PRKCB: variants seen among roughly 807,000 people sequenced by gnomAD.
PRKCB encodes the protein protein kinase C beta type.
PRKCB carries 13 observed loss-of-function variants against 81.5 expected under a neutral mutation model. The ratio of observed to expected loss-of-function variants is 0.16; its 90% CI spans 0.10 to 0.25. The LOEUF is 0.25. PRKCB is among the 10% of genes least tolerant of loss of function. The pLI, the probability that PRKCB is intolerant of heterozygous loss-of-function variation, is 1.00. For missense variants in PRKCB, 509 were observed against 875.7 expected, an observed-to-expected ratio of 0.58 and a Z score of 5.29; for synonymous variants, 335 against 321.4, an observed-to-expected ratio of 1.04 and a Z score of -0.45.
At chr16:24,157,169 G>T (rs928917391) in intron 10 of PRKCB, among the ~76,000 whole-genome samples, 2 of 152,144 alleles carry the variant, frequency 1.3e-5, no homozygotes. Flanking sequence ...AGAAGTCTGG[G>T]TCCCCTCCAG....
At chr16:24,173,362 G>T (rs1401987869) in intron 11 of PRKCB, among the ~76,000 whole-genome samples, 4 of 152,088 alleles carry the variant, frequency 2.6e-5, no homozygotes, top group Non-Finnish European at 1.5e-5. Flanking sequence ...AGTTTTCTAA[G>T]ATCTTATTGC....
At chr16:24,109,399 C>T (rs7202351) in intron 7 of PRKCB, among the ~76,000 whole-genome samples, 10,493 of 110,152 alleles carry the variant, frequency 0.095, 907 homozygotes, top group African/African-American at 0.29. Flanking sequence ...ACGGGGCGGC[C>T]GGGCAGAGAT....
At chr16:23,986,603 A>C (rs1359017488) in intron 2 of PRKCB, among the ~76,000 whole-genome samples, 1 of 152,140 alleles carries the variant, frequency 6.6e-6, no homozygotes, top group African/African-American at 2.4e-5. Context: ...TAAACTTATA[A>C]TGTCCTATAT....
intron 2 of PRKCB, among the ~76,000 whole-genome samples, chr16:23,846,201 CAGTT>C (rs1211281302): frequency 1.3e-5 from 2 of 152,180 alleles, no homozygotes; most frequent in Non-Finnish European, 2.9e-5. Context: ...GAGAAAGTCT[CAGTT>C]GGTGTTAATA....
At chr16:23,980,179 T>C (rs985458197) in intron 2 of PRKCB, among the ~76,000 whole-genome samples, 4 of 152,220 alleles carry the variant, frequency 2.6e-5, no homozygotes, top group African/African-American at 9.6e-5. Context: ...GCAAACTCAA[T>C]AGCATGACCC....
At position 24,072,730 on chromosome 16, in the gene PRKCB, T is replaced by C. The variant is rs185624566; in HGVS notation, c.530-20061T>C. Among the ~76,000 whole-genome samples the C allele has an allele frequency of 4.7e-3, 721 of 152,164 alleles. 4 individuals carry two copies. Among genetic ancestry groups the C allele is most frequent in the African/African-American group, 0.017 (701 of 41,516 alleles). ...CCAAGTAGCTGGGATTACAGGCCTGTGCCACCAGACCGAGCTAATTTTTGT... is the reference window on the plus strand; with the variant it reads ...CCAAGTAGCTGGGATTACAGGCCTGCGCCACCAGACCGAGCTAATTTTTGT... On this transcript the variant is annotated intron_variant, in intron 5 of 16. Coordinates refer to ENST00000643927, the MANE Select transcript of PRKCB (RefSeq NM_002738.7).
chr16:24,151,693 A>G (rs1021522967), intron 9 of PRKCB: 1 of 418,656 alleles, frequency 2.4e-6, no homozygotes, highest in Non-Finnish European at 4.8e-6. Context: ...TGTTCAAAGG[A>G]AAAGAAAGAA....
At chr16:24,064,606 T>G (rs1328259056) in intron 5 of PRKCB, among the ~76,000 whole-genome samples, 1 of 152,186 alleles carries the variant, frequency 6.6e-6, no homozygotes, top group Non-Finnish European at 1.5e-5. Flanking sequence ...AGTTGTGTTG[T>G]TCATATTTTC....
chr16:24,183,106 C>T (rs146261882), intron 13 of PRKCB, among the ~76,000 whole-genome samples: 29 of 152,016 alleles, frequency 1.9e-4, no homozygotes, highest in Admixed American at 3.9e-4. Context: ...GTGATCCGCC[C>T]GCCTCGGCCT....
chr16:24,017,290 T>C (rs969407096), intron 3 of PRKCB, among the ~76,000 whole-genome samples: 4 of 152,180 alleles, frequency 2.6e-5, no homozygotes, highest in African/African-American at 7.2e-5. Flanking sequence ...ATTTCATACA[T>C]TTGCTGTCTA....
At chr16:24,060,168 T>C (rs1257106666) in intron 5 of PRKCB, among the ~76,000 whole-genome samples, 1 of 152,088 alleles carries the variant, frequency 6.6e-6, no homozygotes, top group Non-Finnish European at 1.5e-5. Flanking sequence ...GGAAGATAGG[T>C]GTTCAAGTCC....
Position 24,148,255 on chromosome 16 carries a change from G to A in PRKCB, c.1066-6429G>A, listed in dbSNP as rs559193797. 8.5e-5 allele frequency among the ~76,000 whole-genome samples: 13 copies of A among 152,222 alleles called. No homozygotes were observed. The South Asian group carries it at 1.7e-3, about 19-fold the overall frequency. On this transcript the variant is annotated intron_variant, in intron 9 of 16. Transcript: ENST00000643927. ...GGTGTCAGCTTAACCATCACTTCCC[G>A]AAGAGCATCTTTTGCTGACCCACTC...
intron 2 of PRKCB, among the ~76,000 whole-genome samples, chr16:23,955,320 C>T (rs541659229): frequency 1.3e-5 from 2 of 152,190 alleles, no homozygotes; most frequent in East Asian, 1.9e-4. Flanking sequence ...ATGATTATCA[C>T]GTGATATCAG....
intron 5 of PRKCB, among the ~76,000 whole-genome samples, chr16:24,059,965 G>A (rs1321965965): frequency 6.6e-6 from 1 of 152,182 alleles, no homozygotes; most frequent in East Asian, 1.9e-4. Context: ...AATTGAAGGA[G>A]GGGATGTGGA....
At chr16:23,975,879 A>G (rs1567331597) in intron 2 of PRKCB, among the ~76,000 whole-genome samples, 1 of 152,230 alleles carries the variant, frequency 6.6e-6, no homozygotes, top group Admixed American at 6.5e-5. Context: ...AAACAATTCA[A>G]GTTGGTTTAG....
At chr16:24,075,995 G>T (rs541110931) in intron 5 of PRKCB, among the ~76,000 whole-genome samples, 49 of 152,304 alleles carry the variant, frequency 3.2e-4, no homozygotes, top group African/African-American at 1.2e-3. Flanking sequence ...ACAATGTGCA[G>T]GTTTGTTACC....
chr16:23,934,614 C>T (rs190410043), intron 2 of PRKCB, among the ~76,000 whole-genome samples: 3 of 152,190 alleles, frequency 2.0e-5, no homozygotes, highest in Admixed American at 6.5e-5. Flanking sequence ...ATATTTTCAG[C>T]GTATAGAATT....
At chr16:24,211,419 A>G (rs1968136134) in intron 16 of PRKCB, among the ~76,000 whole-genome samples, 1 of 152,184 alleles carries the variant, frequency 6.6e-6, no homozygotes, top group African/African-American at 2.4e-5. Flanking sequence ...TTATCCTCAT[A>G]TCACAACCCC....
intron 2 of PRKCB, among the ~76,000 whole-genome samples, chr16:23,878,474 C>T (rs928150395): frequency 6.6e-6 from 1 of 152,152 alleles, no homozygotes; most frequent in South Asian, 2.1e-4. Context: ...CCTATGGGAC[C>T]ATTTTACAGC....
Sources: gnomAD v4.1 joint callset for allele counts (sites outside exome capture counted in the v4.1 genomes callset) on GRCh38, gnomAD v4.1.1 for gene constraint, MANE v1.5 for transcripts, NCBI Gene and HGNC (gene_info 2026-07-23, HGNC 2026-07-21) for gene names.